The following JAZF1 variants were observed in gnomAD, a reference collection of about 807,000 sequenced individuals.
JAZF1 encodes JAZF zinc finger 1, also known as juxtaposed with another zinc finger protein 1.
In JAZF1, 8 loss-of-function variants were observed where a neutral mutation model predicts 26.4. The ratio of observed to expected loss-of-function variants is 0.30; its 90% CI spans 0.18 to 0.55. JAZF1 has a LOEUF of 0.55. Among genes scored for constraint, JAZF1 ranks in the 20% least tolerant of loss-of-function variants. The pLI, the probability that JAZF1 is intolerant of heterozygous loss-of-function variation, is 0.94. For missense variants in JAZF1, 199 were observed against 322.0 expected, an observed-to-expected ratio of 0.62 and a Z score of 2.92; for synonymous variants, 126 against 122.3, an observed-to-expected ratio of 1.03 and a Z score of -0.20.
intron 2 of JAZF1, among the ~76,000 whole-genome samples, chr7:27,908,716 A>C (rs1223570550): frequency 6.6e-6 from 1 of 152,174 alleles, no homozygotes; most frequent in African/African-American, 2.4e-5. Flanking sequence ...ACAACAAATG[A>C]CTTTAAAAGA....
intron 3 of JAZF1, among the ~76,000 whole-genome samples, chr7:27,857,787 T>C (rs1031527827): frequency 2.0e-5 from 3 of 152,178 alleles, no homozygotes; most frequent in Non-Finnish European, 2.9e-5. Context: ...GCCAATATCA[T>C]ACTGAATGGG....
intron 2 of JAZF1, among the ~76,000 whole-genome samples, chr7:27,950,355 C>G (rs1187644370): frequency 6.6e-6 from 1 of 152,180 alleles, no homozygotes; most frequent in Non-Finnish European, 1.5e-5. Flanking sequence ...CTGCTTCAAG[C>G]TCCAGGTGGC....
intron 2 of JAZF1, among the ~76,000 whole-genome samples, chr7:27,990,330 T>C (rs1247555215): frequency 1.3e-5 from 2 of 152,030 alleles, no homozygotes; most frequent in Admixed American, 1.3e-4. Flanking sequence ...ATACACCTAA[T>C]GTAAATGACC....
chr7:27,946,272 T>C (rs190253878), intron 2 of JAZF1, among the ~76,000 whole-genome samples: 1 of 152,318 alleles, frequency 6.6e-6, no homozygotes, highest in Admixed American at 6.5e-5. Flanking sequence ...TGTAGTAAAT[T>C]TGTTTAGTTT....
chr7:28,178,470 T>C (rs1040072062), intron 1 of JAZF1, among the ~76,000 whole-genome samples: 1 of 152,208 alleles, frequency 6.6e-6, no homozygotes, highest in African/African-American at 2.4e-5. Context: ...GGATGGGATA[T>C]GCAATGACAG....
intron 2 of JAZF1, among the ~76,000 whole-genome samples, chr7:27,968,344 T>A (rs987575653): frequency 6.6e-6 from 1 of 152,206 alleles, no homozygotes; most frequent in Admixed American, 6.5e-5. Context: ...ACTGGTGAAG[T>A]ACTTGTCTTG....
At chr7:28,056,871 A>C (rs1783721115) in intron 1 of JAZF1, among the ~76,000 whole-genome samples, 1 of 152,210 alleles carries the variant, frequency 6.6e-6, no homozygotes, top group African/African-American at 2.4e-5. Context: ...CATCTCTTAA[A>C]CTGAGGGCTG....
chr7:28,110,716 G>A (rs994349767), intron 1 of JAZF1, among the ~76,000 whole-genome samples: 6 of 152,270 alleles, frequency 3.9e-5, no homozygotes, highest in African/African-American at 1.4e-4. Context: ...AGGCTGAGAT[G>A]TTAGAGTTCA....
At chr7:28,180,387 T>C (rs1008758038) in intron 1 of JAZF1, 76 bp downstream of exon 1, 1 of 781,672 alleles carries the variant, frequency 1.3e-6, no homozygotes, top group Non-Finnish European at 1.9e-6. Context: ...CGGCCACCCC[T>C]GGCCATTCCG....
At chr7:28,151,699 G>A (rs1783113954) in intron 1 of JAZF1, among the ~76,000 whole-genome samples, 1 of 151,896 alleles carries the variant, frequency 6.6e-6, no homozygotes, top group South Asian at 2.1e-4. Flanking sequence ...CTACTTGGGA[G>A]GCTGAGGCTT....
At chr7:28,005,882 T>TAAAAAAAAAAAAAAAAAAAAAAAAAA (rs11355665) in intron 1 of JAZF1, among the ~76,000 whole-genome samples, 1 of 138,050 alleles carries the variant, frequency 7.2e-6, no homozygotes, top group Non-Finnish European at 1.6e-5. Context: ...TTCTGTTGCT[T>TAAAAAAAAAAAAAAAAAAAAAAAAAA]AAAAAAAAAA....
intron 3 of JAZF1, among the ~76,000 whole-genome samples, chr7:27,867,851 A>T (rs1562772232): frequency 6.6e-6 from 1 of 152,148 alleles, no homozygotes. Flanking sequence ...TCTCTTAGAC[A>T]TGGGCATTGT....
chr7:28,128,936 C>T (rs549776474), intron 1 of JAZF1, among the ~76,000 whole-genome samples: 8 of 152,214 alleles, frequency 5.3e-5, no homozygotes, highest in South Asian at 4.2e-4. Flanking sequence ...ATTGTTCTGA[C>T]TGGGAGAGAA....
At chr7:28,043,942 G>C (rs1783449352) in intron 1 of JAZF1, among the ~76,000 whole-genome samples, 1 of 152,114 alleles carries the variant, frequency 6.6e-6, no homozygotes, top group African/African-American at 2.4e-5. Flanking sequence ...CAGATCCATA[G>C]AGGCAGAAAG....
intron 1 of JAZF1, among the ~76,000 whole-genome samples, chr7:28,077,483 T>A (rs549993745): frequency 4.9e-4 from 74 of 151,816 alleles, no homozygotes; most frequent in African/African-American, 1.6e-3. Flanking sequence ...GTAACTGGTA[T>A]AACCACAAAA....
chr7:27,863,805 G>T (rs1783422167), intron 3 of JAZF1: 1 of 152,244 alleles, frequency 6.6e-6, no homozygotes, highest in East Asian at 1.9e-4. Flanking sequence ...AAGGCTCAAG[G>T]GAGGAAGGCA....
At chr7:28,112,349 CA>C (rs1163806983) in intron 1 of JAZF1, among the ~76,000 whole-genome samples, 2 of 152,160 alleles carry the variant, frequency 1.3e-5, no homozygotes, top group African/African-American at 4.8e-5. Flanking sequence ...GATTTTGTAA[CA>C]TCCATTTCAG....
At chr7:28,149,783 A>AG (rs1783081933) in intron 1 of JAZF1, among the ~76,000 whole-genome samples, 1 of 152,194 alleles carries the variant, frequency 6.6e-6, no homozygotes, top group African/African-American at 2.4e-5. Flanking sequence ...CTAAATAATT[A>AG]CTGATTAATT....
chr7:28,119,348 C>A (rs1482891896), intron 1 of JAZF1, among the ~76,000 whole-genome samples: 3 of 152,174 alleles, frequency 2.0e-5, no homozygotes, highest in East Asian at 1.9e-4. Flanking sequence ...TCCCCTCCAA[C>A]AAAACCCTAC....
Sources: gnomAD v4.1 joint callset for allele counts (sites outside exome capture counted in the v4.1 genomes callset) on GRCh38, gnomAD v4.1.1 for gene constraint, MANE v1.5 for transcripts, NCBI Gene and HGNC (gene_info 2026-07-23, HGNC 2026-07-21) for gene names.